MIA3: variants seen among roughly 807,000 people sequenced by gnomAD.
MIA3 encodes transport and Golgi organization protein 1 homolog.
Under a neutral mutation model 192.4 loss-of-function variants are expected in MIA3, and 90 were observed. The ratio of observed to expected loss-of-function variants is 0.47; its 90% CI spans 0.39 to 0.56. MIA3 has a LOEUF of 0.56. MIA3 is among the 20% of genes least tolerant of loss of function. The pLI, the probability that MIA3 is intolerant of heterozygous loss-of-function variation, is 0.00. For missense variants in MIA3, 2,123 were observed against 2,269.4 expected (o/e 0.94, Z 1.31); for synonymous variants, 740 against 792.8 (o/e 0.93, Z 1.12).
rs1422137605 is a variant in MIA3 at position 222,642,760 on chromosome 1, C to A, written c.3478-2794C>A. 2.0e-5 allele frequency among the ~76,000 whole-genome samples: 3 copies of A among 152,142 alleles called. No individual in the cohort carries two copies. The East Asian group carries it at 5.8e-4, about 29-fold the overall frequency. ...GATCTTGCCAAGATAAGTGAGAAAT[C>A]ATATTTCATTGTAGGTTCATTTTGT... is the stretch of plus-strand genomic sequence containing the variant. On this transcript the variant is annotated intron_variant, in intron 6 of 27. Transcript: ENST00000344922.
chr1:222,632,515 T>C (rs1662445325), intron 5 of MIA3, among the ~76,000 whole-genome samples, 189 bp downstream of exon 5: 1 of 152,110 alleles, frequency 6.6e-6, no homozygotes, highest in Non-Finnish European at 1.5e-5. Flanking sequence ...CCAGAGACTA[T>C]AACTAACCTA....
chr1:222,628,844 GAAGAAA>G lies in MIA3; in HGVS notation c.1626_1631del (p.Glu543_Lys544del), dbSNP rs1662250854. On this transcript the variant is annotated inframe_deletion, in exon 4 of 28. Coordinates refer to ENST00000344922, the MANE Select transcript of MIA3 (RefSeq NM_198551.4). ...TCATATCTCAAAAGGAATGCTCCAC[GAAGAAA>G]AGCCTGGAGAGCAGATTTTGGAAGG... is the stretch of plus-strand genomic sequence containing the variant. The G allele has an allele frequency of 6.2e-7, 1 of 1,614,024 alleles. No individual in the cohort carries two copies. The highest frequency in any genetic ancestry group is 1.7e-5 in the Admixed American group (1 of 60,004).
At chr1:222,638,367 GT>G (rs1662719706) in intron 6 of MIA3, among the ~76,000 whole-genome samples, 1 of 152,152 alleles carries the variant, frequency 6.6e-6, no homozygotes, top group South Asian at 2.1e-4. Context: ...CATCTTATGA[GT>G]TTAAAAGGAA....
At chr1:222,641,719 A>C in intron 6 of MIA3, 1 of 557,826 alleles carries the variant, frequency 1.8e-6, no homozygotes, top group Non-Finnish European at 3.6e-6. Flanking sequence ...CAGCATGTTC[A>C]GACAGTCCTT....
chr1:222,636,422 CAGG>C (rs2124866129), intron 6 of MIA3, among the ~76,000 whole-genome samples: 1 of 151,840 alleles, frequency 6.6e-6, no homozygotes, highest in South Asian at 2.1e-4. Context: ...TTACCCTACA[CAGG>C]AGCTGTTTAG....
At chr1:222,661,483 T>A (rs1664009841) in intron 24 of MIA3, 1 of 154,218 alleles carries the variant, frequency 6.5e-6, no homozygotes, top group Admixed American at 6.4e-5. Context: ...GTTAACTGTT[T>A]ATGTTATTGG....
Position 222,651,972 on chromosome 1 carries a change from G to A in MIA3, c.3910-5G>A. ...TGCATTTTGTGTTCTGTTTTTACAT[G>A]GCAGATATCAGAAAACAAGAAATCT... is the stretch of plus-strand genomic sequence containing the variant. On this transcript the variant is annotated splice_region_variant and splice_polypyrimidine_tract_variant and intron_variant, in intron 11 of 27. Coordinates refer to ENST00000344922, the MANE Select transcript of MIA3 (RefSeq NM_198551.4). 1.3e-6 allele frequency: 2 copies of A among 1,495,454 alleles called. No homozygotes were observed. Among genetic ancestry groups the A allele is most frequent in the Non-Finnish European group, 1.9e-6 (2 of 1,072,992 alleles). 92.6% of individuals were successfully genotyped at this position (1,495,454 alleles called of 1,614,324 possible). A position where few individuals can be genotyped will look rare whatever the true frequency, so the allele number is the denominator to read the frequency against.
chr1:222,626,585 G>GA, intron 3 of MIA3, among the ~76,000 whole-genome samples: 1 of 152,264 alleles, frequency 6.6e-6, no homozygotes, highest in Non-Finnish European at 1.5e-5. Flanking sequence ...TGGAGGAAGG[G>GA]AAAAATACAG....
chr1:222,652,177 T>C (rs757569655), intron 12 of MIA3, 51 bp from the exon 13 acceptor site: 1 of 1,510,488 alleles, frequency 6.6e-7, no homozygotes, highest in South Asian at 1.1e-5. Flanking sequence ...AAAAGTAACT[T>C]TTTCTGGTTT....
chr1:222,651,225 T>C (rs2124905163), intron 11 of MIA3, among the ~76,000 whole-genome samples: 1 of 151,720 alleles, frequency 6.6e-6, no homozygotes, highest in South Asian at 2.1e-4. Flanking sequence ...TTTTTTTTTT[T>C]TGCTATAAAC....
chr1:222,628,222 A>G lies in MIA3; in HGVS notation c.1002A>G (p.Thr334=), dbSNP rs1662210296. The change falls in exon 4 of 28, where the codon ACA becomes ACG. Residue 334 remains threonine (T), a synonymous_variant. Coordinates refer to ENST00000344922, the MANE Select transcript of MIA3 (RefSeq NM_198551.4). ...ATGAGTTGCCATTACTTACCTTTAC[A>G]GATGGGGAAGATATGAAAACTCCAG... ...DFDELPLLTF[T]DGEDMKTPAK... 2 of 1,614,152 alleles carry G rather than the reference A, an allele frequency of 1.2e-6. No homozygotes were observed. The highest frequency in any genetic ancestry group is 1.7e-6 in the Non-Finnish European group (2 of 1,180,032).
At chr1:222,647,747 C>G (rs1016456001) in intron 7 of MIA3, among the ~76,000 whole-genome samples, 1 of 152,090 alleles carries the variant, frequency 6.6e-6, no homozygotes, top group Non-Finnish European at 1.5e-5. Context: ...ACTTTTGGAA[C>G]CTTGGTCTCT....
Position 222,645,658 on chromosome 1 carries a change from C to T in MIA3, c.3582C>T (p.Ala1194=). ...ITAFLGIASF[A]IFLWRTVLVV... Reference sequence around the variant, plus strand: ...CCTTCTTGGGAATTGCTTCGTTTGCCATTTTCTTATGGAGAACTGTCCTTG... The same window carrying T: ...CCTTCTTGGGAATTGCTTCGTTTGCTATTTTCTTATGGAGAACTGTCCTTG... The change falls in exon 7 of 28, where the codon GCC becomes GCT. Residue 1194 remains alanine, a synonymous_variant. Coordinates refer to ENST00000344922, the MANE Select transcript of MIA3 (RefSeq NM_198551.4). The T allele has an allele frequency of 6.2e-7, 1 of 1,613,916 alleles. No individual in the cohort carries two copies. The highest frequency in any genetic ancestry group is 8.5e-7 in the Non-Finnish European group (1 of 1,179,908).
chr1:222,656,879 A>C (rs1360676893), intron 18 of MIA3, among the ~76,000 whole-genome samples: 2 of 152,144 alleles, frequency 1.3e-5, no homozygotes, highest in Non-Finnish European at 2.9e-5. Flanking sequence ...ACTATTTTTC[A>C]CTTTTATAGT....
At chr1:222,641,375 C>G in intron 6 of MIA3, 1 of 372,288 alleles carries the variant, frequency 2.7e-6, no homozygotes, top group Non-Finnish European at 5.3e-6. Context: ...AAGCCATGCC[C>G]AAGGGGTATC....
chr1:222,661,704 T>C (rs1558198338), intron 24 of MIA3, among the ~76,000 whole-genome samples: 2 of 152,222 alleles, frequency 1.3e-5, no homozygotes, highest in Non-Finnish European at 2.9e-5. Flanking sequence ...TGAAACGCTG[T>C]TGAGTCTATT....
rs372385470 is a variant in MIA3, at chr1:222,633,264, GT to G, written c.3477+24del. The G allele has an allele frequency of 1.8e-4, 277 of 1,549,992 alleles. No homozygotes were observed. Among genetic ancestry groups the G allele is most frequent in the Non-Finnish European group, 2.1e-4 (237 of 1,140,824 alleles). On this transcript the variant is annotated intron_variant, in intron 6 of 27. Coordinates refer to ENST00000344922, the MANE Select transcript of MIA3 (RefSeq NM_198551.4). ...TAACTAAGTCGGTAAGTTTAACATA[GT>G]TTTTTTTTAACTAAAATGTTGATTA...
At chr1:222,650,946 GAAC>G in intron 11 of MIA3, 43 bp downstream of exon 11, 1 of 1,176,114 alleles carries the variant, frequency 8.5e-7, no homozygotes, top group Non-Finnish European at 1.2e-6. Context: ...TTTGGGTTTT[GAAC>G]TCTTTTGTAG....
chr1:222,631,444 A>G (rs1437037356), intron 4 of MIA3, among the ~76,000 whole-genome samples: 2 of 152,190 alleles, frequency 1.3e-5, no homozygotes, highest in African/African-American at 4.8e-5. Flanking sequence ...AGACAGATGT[A>G]TCTGAATTGA....
Sources: allele counts gnomAD v4.1 joint callset (sites outside exome capture counted in the v4.1 genomes callset), GRCh38; gene constraint gnomAD v4.1.1; transcripts MANE v1.5; gene names NCBI Gene and HGNC (gene_info 2026-07-23, HGNC 2026-07-21).